The following CACNA1G variants were observed in gnomAD, a reference collection of about 807,000 sequenced individuals.
The protein encoded by CACNA1G is calcium voltage-gated channel subunit alpha1 G.
Under a neutral mutation model 219.4 loss-of-function variants are expected in CACNA1G, and 67 were observed. The observed-to-expected ratio is 0.31, with a 90% confidence interval of 0.25 to 0.37. The LOEUF (loss-of-function observed/expected upper bound fraction) is 0.37. Among genes scored for constraint, CACNA1G ranks in the 10% least tolerant of loss-of-function variants. The pLI is 1.00. For missense variants in CACNA1G, 2,380 were observed against 3,231.4 expected (o/e 0.74, Z 6.39); for synonymous variants, 1,296 against 1,345.3 (o/e 0.96, Z 0.80).
intron 6 of CACNA1G, 79 bp from the exon 7 acceptor site, chr17:50,572,942 G>A (rs915123899): frequency 7.0e-6 from 11 of 1,571,478 alleles, no homozygotes; most frequent in Non-Finnish European, 8.7e-6. Context: ...CAGGGTTGGG[G>A]TGGGGGTCAA....
rs571252731 is a variant in CACNA1G at position 50,560,988 on chromosome 17, C to T, written c.-472C>T. On this transcript the variant is annotated 5_prime_UTR_variant, in exon 1 of 38. Coordinates refer to ENST00000359106, the MANE Select transcript of CACNA1G (RefSeq NM_018896.5). ...CCTCCTCCCCTCCCCCGCCGCCTGG[C>T]GCGGAGCCGGGACGATGCTGACCCC... 3.7e-3 allele frequency: 940 copies of T among 252,670 alleles called. 10 individuals carry two copies. Among genetic ancestry groups the T allele is most frequent in the Non-Finnish European group, 5.7e-3 (736 of 129,224 alleles). 15.7% of individuals were successfully genotyped at this position (252,670 alleles called of 1,614,324 possible).
chr17:50,594,743 C>A (rs1395634879), intron 13 of CACNA1G, among the ~76,000 whole-genome samples: 1 of 152,146 alleles, frequency 6.6e-6, no homozygotes, highest in Non-Finnish European at 1.5e-5. Flanking sequence ...TATGGGGGGA[C>A]CTGCCCTTGT....
At chr17:50,576,352 G>A (rs752514138) in intron 8 of CACNA1G, 26 bp downstream of exon 8, 3 of 1,556,376 alleles carry the variant, frequency 1.9e-6, no homozygotes, top group African/African-American at 2.7e-5. Context: ...GGAGGCATGT[G>A]GGTGCCCTCG....
In CACNA1G at chr17:50,606,607, G is replaced by C. The variant is rs140725682; in HGVS notation, c.4423-293G>C. ...AAAATGAAATTGCTCGCTCAGTTTT[G>C]ATTCCCAGACCCACTCTGGTTTTGG... On this transcript the variant is annotated intron_variant, in intron 23 of 37. Transcript: ENST00000359106. 13 of 544,542 alleles carry C rather than the reference G, an allele frequency of 2.4e-5. No homozygotes were observed. The East Asian group carries it at 4.1e-4, about 17-fold the overall frequency. 33.7% of individuals were successfully genotyped at this position (544,542 alleles called of 1,614,324 possible).
chr17:50,562,924 C>A (rs1022335381), intron 1 of CACNA1G, among the ~76,000 whole-genome samples: 2 of 152,062 alleles, frequency 1.3e-5, no homozygotes, highest in Non-Finnish European at 2.9e-5. Flanking sequence ...CTGGCGGGTC[C>A]TGCCACCGGG....
Position 50,572,630 on chromosome 17 carries a change from C to A in CACNA1G, c.823C>A (p.Arg275Ser). 6.3e-7 allele frequency: 1 copy of A among 1,597,948 alleles called. No individual in the cohort carries two copies. The highest frequency in any genetic ancestry group is 8.5e-7 in the Non-Finnish European group (1 of 1,172,630). ...GAGCCCCTTCATCTGCTCCCAGCCA[C>A]GCGAGAACGGCATGCGGTCCTGCAG... ...DESPFICSQPRENGMRSCRSV... is the reference protein window; with the variant it reads ...DESPFICSQPSENGMRSCRSV... The change falls in exon 6 of 38, where the codon CGC (arginine) becomes AGC (serine). Residue 275 changes from arginine (R) to serine (S), a missense_variant. Arg to Ser is a moderately radical substitution (Grantham distance 110). This residue lies in a region of CACNA1G where 68 missense variants were observed against 85.3 expected (regional missense o/e 0.80). Transcript: ENST00000359106.
rs561339997 is a variant in CACNA1G at position 50,605,970 on chromosome 17, G to A, written c.4369G>A (p.Glu1457Lys). 15 of 1,613,864 alleles carry A rather than the reference G, an allele frequency of 9.3e-6. No homozygotes were observed. The highest frequency in any genetic ancestry group is 4.0e-5 in the African/African-American group (3 of 75,050). ...RNITNKSDCA[E>K]ASYRWVRHKY... ...CATCACCAATAAATCGGACTGTGCC[G>A]AGGCCAGTTACCGGTGGGTCCGGCA... Residue 1457 changes from glutamate (E) to lysine (K), a missense_variant, in exon 23 of 38, where the codon GAG becomes AAG. Transcript: ENST00000359106.
At chr17:50,624,678 T>A in intron 37 of CACNA1G, 149 bp downstream of exon 37, 1 of 836,130 alleles carries the variant, frequency 1.2e-6, no homozygotes, top group Non-Finnish European at 1.8e-6. Flanking sequence ...AGGGACACAG[T>A]ACTGGGCAAA....
At chr17:50,625,891 A>ATAGT in intron 37 of CACNA1G, 126 bp from the exon 38 acceptor site, 1 of 1,025,656 alleles carries the variant, frequency 9.7e-7, no homozygotes, top group East Asian at 2.5e-5. Context: ...GGCTACCAGG[A>ATAGT]CCTCTGCTTA....
chr17:50,592,324 G>T (rs1415012276), intron 13 of CACNA1G, among the ~76,000 whole-genome samples: 1 of 152,184 alleles, frequency 6.6e-6, no homozygotes, highest in Admixed American at 6.5e-5. Flanking sequence ...CCAAAGCTTA[G>T]CTACCGAGTA....
In CACNA1G at chr17:50,626,547, T is replaced by C; in HGVS notation, c.6930T>C (p.Ser2310=). Residue 2310 remains serine, a synonymous_variant, in exon 38 of 38, where the codon AGT becomes AGC. Coordinates refer to ENST00000359106, the MANE Select transcript of CACNA1G (RefSeq NM_018896.5). This position sits in a 1 kb window ranked among gnomAD's most constrained non-coding sequence, Gnocchi z 4.3. ...CCAAGAAAAAACTCAGCCCGCCTAG[T>C]ATCACCATAGACCCCCCCGAGAGCC... The part of the protein sequence containing the change: ...SRPKKKLSPP[S]ITIDPPESQG... 6.3e-7 allele frequency: 1 copy of C among 1,580,208 alleles called. No individual in the cohort carries two copies. The highest frequency in any genetic ancestry group is 8.6e-7 in the Non-Finnish European group (1 of 1,165,310).
Position 50,599,865 on chromosome 17 carries a change from G to A in CACNA1G, c.3690+6G>A. The stretch of plus-strand genomic sequence containing the variant: ...CCGATGACGAGGGCAACCTGGTGAG[G>A]CCCCTGTGGGCACAGTGACCCCTCA... On this transcript the variant is annotated splice_donor_region_variant and intron_variant, in intron 17 of 37. Transcript: ENST00000359106. The A allele has an allele frequency of 6.2e-7, 1 of 1,601,846 alleles. No homozygotes were observed. Among genetic ancestry groups the A allele is most frequent in the African/African-American group, 1.3e-5 (1 of 75,006 alleles).
chr17:50,615,799 G>A (rs2050422360), intron 27 of CACNA1G, among the ~76,000 whole-genome samples: 1 of 152,228 alleles, frequency 6.6e-6, no homozygotes, highest in Admixed American at 6.5e-5. Flanking sequence ...GCTGCGCTCT[G>A]GATCTTTGAG....
chr17:50,572,668 G>A lies in CACNA1G; in HGVS notation c.861G>A (p.Thr287=), dbSNP rs773205223. ...NGMRSCRSVP[T]LRGDGGGGPP... ...TGCGGTCCTGCAGAAGCGTGCCCAC[G>A]CTGCGCGGGGACGGGGGCGGTGGCC... Residue 287 remains threonine (T), a synonymous_variant, in exon 6 of 38, where the codon ACG becomes ACA. Coordinates refer to ENST00000359106, the MANE Select transcript of CACNA1G (RefSeq NM_018896.5). 1.5e-4 allele frequency: 237 copies of A among 1,610,002 alleles called. No homozygotes were observed. The highest frequency in any genetic ancestry group is 3.3e-4 in the Middle Eastern group (2 of 6,060).
Position 50,571,563 on chromosome 17 carries a change from T to C in CACNA1G, c.587-315T>C, listed in dbSNP as rs1408840852. On this transcript the variant is annotated intron_variant, in intron 4 of 37. Coordinates refer to ENST00000359106, the MANE Select transcript of CACNA1G (RefSeq NM_018896.5). The surrounding 1 kb of genome is among the most constrained non-coding windows in gnomAD (Gnocchi z 4.3). ...ATTTCTCCAAGCCTCAGACTTCTCA[T>C]CTGTGAATTGGGAGTGATATTATCC... Among the ~76,000 whole-genome samples, 1 of 152,234 alleles carries C rather than the reference T, an allele frequency of 6.6e-6. No individual in the cohort carries two copies. The highest frequency in any genetic ancestry group is 2.4e-5 in the African/African-American group (1 of 41,460).
At chr17:50,623,714 G>A (rs892000033) in intron 35 of CACNA1G, among the ~76,000 whole-genome samples, 193 bp from the exon 36 acceptor site, 3 of 152,042 alleles carry the variant, frequency 2.0e-5, no homozygotes, top group East Asian at 1.9e-4. Flanking sequence ...CTTCCTCCCC[G>A]CGTGTGGAGG....
At chr17:50,608,195 TGAA>T (rs2048354240) in intron 25 of CACNA1G, among the ~76,000 whole-genome samples, 176 bp downstream of exon 25, 1 of 151,948 alleles carries the variant, frequency 6.6e-6, no homozygotes, top group Non-Finnish European at 1.5e-5. Context: ...AGAGCGAGCA[TGAA>T]GCAGACCACT....
intron 3 of CACNA1G, 23 bp downstream of exon 3, chr17:50,569,321 G>T: frequency 6.2e-7 from 1 of 1,612,700 alleles, no homozygotes; most frequent in Non-Finnish European, 8.5e-7. Flanking sequence ...GCTGGGGTGG[G>T]AGAGCAATGG....
chr17:50,565,382 T>TGA (rs1555632629), intron 1 of CACNA1G, among the ~76,000 whole-genome samples: 10,866 of 113,248 alleles, frequency 0.096, 564 homozygotes, highest in African/African-American at 0.15. Context: ...GCTTGTGGGG[T>TGA]GGGGCGGGGG....
Sources: gnomAD v4.1 joint callset for allele counts (sites outside exome capture counted in the v4.1 genomes callset) on GRCh38, gnomAD v4.1.1 for gene constraint, gnomAD v4.1.1 regional missense constraint, Gnocchi (gnomAD v3.1) non-coding constraint, MANE v1.5 for transcripts, NCBI Gene and HGNC (gene_info 2026-07-23, HGNC 2026-07-21) for gene names.